The following LARGE1 variants were observed in gnomAD, a reference collection of about 807,000 sequenced individuals.
The protein encoded by LARGE1 is xylosyl- and glucuronyltransferase LARGE1.
In LARGE1, 43 loss-of-function variants were observed where a neutral mutation model predicts 87.6. The ratio of observed to expected loss-of-function variants is 0.49; its 90% CI spans 0.38 to 0.63. LARGE1 has a LOEUF of 0.63. Ranked by LOEUF, LARGE1 falls within the 30% of genes least tolerant of loss-of-function variation. LARGE1 has a pLI of 0.00. For missense variants in LARGE1, 802 were observed against 1,000.2 expected, an observed-to-expected ratio of 0.80 and a Z score of 2.67; for synonymous variants, 434 against 394.6, an observed-to-expected ratio of 1.10 and a Z score of -1.18.
At chr22:33,394,198 C>CTT (rs531894455) in intron 7 of LARGE1, among the ~76,000 whole-genome samples, 6 of 126,788 alleles carry the variant, frequency 4.7e-5, no homozygotes, top group Non-Finnish European at 8.2e-5. Context: ...ACCTCTGATT[C>CTT]TTTTTTTTTT....
At chr22:33,221,815 T>C (rs5749579) in intron 11 of LARGE1, 57,657 of 152,134 alleles carry the variant, frequency 0.38, 13,891 homozygotes, top group African/African-American at 0.68. Context: ...ACTCACCAAA[T>C]AGGAACCAGC....
chr22:33,890,487 C>T (rs2064976354), intron 1 of LARGE1, among the ~76,000 whole-genome samples: 1 of 151,894 alleles, frequency 6.6e-6, no homozygotes, highest in South Asian at 2.1e-4. Flanking sequence ...AAAACTGAGG[C>T]TCAAAAAGCT....
the LARGE1 span, among the ~76,000 whole-genome samples, chr22:33,082,973 T>C: frequency 6.6e-6 from 1 of 152,022 alleles, no homozygotes; most frequent in Admixed American, 6.6e-5. Flanking sequence ...TGCAGTGAGC[T>C]GAGATCATGC....
At chr22:33,596,142 G>C (rs527419936) in intron 5 of LARGE1, among the ~76,000 whole-genome samples, 1 of 152,150 alleles carries the variant, frequency 6.6e-6, no homozygotes, top group African/African-American at 2.4e-5. Flanking sequence ...TCTCAAAAGG[G>C]GACAAGAACC....
At chr22:33,533,764 T>C (rs1206443860) in intron 6 of LARGE1, among the ~76,000 whole-genome samples, 2 of 152,212 alleles carry the variant, frequency 1.3e-5, no homozygotes, top group African/African-American at 2.4e-5. Flanking sequence ...TCAACACTCA[T>C]GCTTTTAATT....
chr22:33,163,129 T>C (rs1922091151), exon 12 of LARGE1: 1 of 152,218 alleles, frequency 6.6e-6, no homozygotes, highest in African/African-American at 2.4e-5. Flanking sequence ...AGTCCAACAC[T>C]GTACTAGATG....
intron 1 of LARGE1, among the ~76,000 whole-genome samples, chr22:33,840,502 C>G (rs2063248700): frequency 6.6e-6 from 1 of 152,208 alleles, no homozygotes; most frequent in South Asian, 2.1e-4. Context: ...ATTTCTCACA[C>G]AGTCAAAATT....
At chr22:33,518,936 C>T (rs1190496605) in intron 6 of LARGE1, among the ~76,000 whole-genome samples, 1 of 152,062 alleles carries the variant, frequency 6.6e-6, no homozygotes, top group Admixed American at 6.5e-5. Flanking sequence ...GATGTTTCTG[C>T]CCCTGGATGT....
intron 1 of LARGE1, among the ~76,000 whole-genome samples, chr22:33,904,872 T>G (rs770050643): frequency 5.1e-4 from 78 of 152,060 alleles, no homozygotes; most frequent in Admixed American, 4.6e-4. Context: ...CCAACAGAAT[T>G]TCAAGTGTGC....
chr22:33,137,102 A>AGT, the LARGE1 span: 1 of 152,234 alleles, frequency 6.6e-6, no homozygotes, highest in Non-Finnish European at 1.5e-5. Context: ...AATATACAGG[A>AGT]GAAATAAGTG....
intron 1 of LARGE1, among the ~76,000 whole-genome samples, chr22:33,891,566 A>C (rs1453127277): frequency 2.0e-5 from 3 of 152,154 alleles, no homozygotes; most frequent in Admixed American, 2.0e-4. Context: ...GGCTTGGTTA[A>C]TTTACCTGGA....
At chr22:33,226,332 C>A (rs5754489) in intron 11 of LARGE1, among the ~76,000 whole-genome samples, 2 of 152,298 alleles carry the variant, frequency 1.3e-5, no homozygotes, top group South Asian at 4.1e-4. Context: ...GTAGTAGAAC[C>A]GAAGTTCTTC....
chr22:33,413,472 A>G (rs1233908523), intron 7 of LARGE1, among the ~76,000 whole-genome samples: 3 of 151,022 alleles, frequency 2.0e-5, no homozygotes, highest in Non-Finnish European at 2.9e-5. Flanking sequence ...TTTTATTATT[A>G]TTATTATTTT....
downstream of LARGE1, among the ~76,000 whole-genome samples, chr22:33,269,623 T>C (rs5998834): frequency 4.8e-4 from 73 of 152,318 alleles, no homozygotes; most frequent in African/African-American, 1.7e-3. Flanking sequence ...CCTGGCCTCA[T>C]TGATCAGATG....
chr22:33,230,157 G>A (rs1280574845), intron 11 of LARGE1, among the ~76,000 whole-genome samples: 3 of 151,810 alleles, frequency 2.0e-5, no homozygotes, highest in Admixed American at 2.0e-4. Flanking sequence ...GACTACAGGA[G>A]TGCACCACCA....
intron 3 of LARGE1, among the ~76,000 whole-genome samples, chr22:33,629,632 G>A (rs2080039374): frequency 6.6e-6 from 1 of 152,170 alleles, no homozygotes; most frequent in South Asian, 2.1e-4. Context: ...TGGGAATGGG[G>A]AGAGTAGGGA....
At chr22:33,920,608 C>T (rs1169823833), upstream of LARGE1, among the ~76,000 whole-genome samples, 11 of 145,068 alleles carry the variant, frequency 7.6e-5, no homozygotes, top group African/African-American at 2.7e-4. Flanking sequence ...TCGCCCCGGC[C>T]TGGGGCGCGG....
chr22:33,882,120 G>A (rs941057461), intron 1 of LARGE1, among the ~76,000 whole-genome samples: 5 of 144,816 alleles, frequency 3.5e-5, no homozygotes, highest in Non-Finnish European at 6.0e-5. Context: ...TCGGCTCACC[G>A]CAAGCTCCGC....
intron 1 of LARGE1, among the ~76,000 whole-genome samples, chr22:33,769,339 G>T (rs2084997207): frequency 6.6e-6 from 1 of 152,102 alleles, no homozygotes; most frequent in Non-Finnish European, 1.5e-5. Context: ...GGAAATCCTG[G>T]CACGCAAATT....
Sources: gnomAD v4.1 joint callset for allele counts (sites outside exome capture counted in the v4.1 genomes callset) on GRCh38, gnomAD v4.1.1 for gene constraint, MANE v1.5 for transcripts, NCBI Gene and HGNC (gene_info 2026-07-23, HGNC 2026-07-21) for gene names.